The following SLC44A3 variants were observed in gnomAD, a reference collection of about 807,000 sequenced individuals.
SLC44A3 encodes the protein choline transporter-like protein 3.
In SLC44A3, 74 loss-of-function variants were observed where a neutral mutation model predicts 75.4. That is an observed-to-expected ratio of 0.98 (90% CI 0.81 to 1.19). The LOEUF (loss-of-function observed/expected upper bound fraction) is 1.19, where lower values mean the gene tolerates loss of function less well. SLC44A3 is among the 50% of genes most tolerant of loss of function. The pLI, the probability that SLC44A3 is intolerant of heterozygous loss-of-function variation, is 0.00. For missense variants in SLC44A3, 700 were observed against 778.6 expected (o/e 0.90, Z 1.20); for synonymous variants, 310 against 296.9 (o/e 1.04, Z -0.45).
intron 10 of SLC44A3, among the ~76,000 whole-genome samples, chr1:94,863,422 C>T (rs1474300438): frequency 1.3e-5 from 2 of 152,140 alleles, no homozygotes; most frequent in Non-Finnish European, 2.9e-5. Flanking sequence ...TCATGTGTTT[C>T]CCTACCAGAT....
chr1:94,885,435 T>C (rs1460866487), intron 12 of SLC44A3, among the ~76,000 whole-genome samples: 3 of 152,078 alleles, frequency 2.0e-5, no homozygotes, highest in African/African-American at 7.2e-5. Context: ...GTGACGTGAT[T>C]TGGTGGAAGC....
At chr1:94,842,696 G>A (rs922156814) in intron 8 of SLC44A3, among the ~76,000 whole-genome samples, 11 of 152,242 alleles carry the variant, frequency 7.2e-5, no homozygotes, top group African/African-American at 2.7e-4. Flanking sequence ...GGGGCCGTTA[G>A]GAAGGCTCAA....
At chr1:94,886,296 G>A (rs551916910) in intron 12 of SLC44A3, among the ~76,000 whole-genome samples, 31 of 152,280 alleles carry the variant, frequency 2.0e-4, no homozygotes, top group Admixed American at 2.0e-3. Flanking sequence ...CTTCCCCAGG[G>A]CAGCCTGGGA....
chr1:94,828,856 C>A (rs535950704), intron 5 of SLC44A3, among the ~76,000 whole-genome samples: 6 of 152,152 alleles, frequency 3.9e-5, no homozygotes, highest in African/African-American at 1.4e-4. Flanking sequence ...CTAGAGCTAG[C>A]AAGAAGTAAC....
intron 12 of SLC44A3, among the ~76,000 whole-genome samples, chr1:94,882,448 A>G (rs1669108294): frequency 6.6e-6 from 1 of 152,172 alleles, no homozygotes; most frequent in African/African-American, 2.4e-5. Context: ...CGTGTTTCCC[A>G]TGTCACAGGT....
chr1:94,853,882 A>G (rs6699403), intron 9 of SLC44A3, among the ~76,000 whole-genome samples: 19,625 of 145,810 alleles, frequency 0.13, 1,347 homozygotes, highest in Admixed American at 0.2. Context: ...TTTTTGCCTC[A>G]TTTATTGTTC....
At chr1:94,884,294 A>G (rs1295394757) in intron 12 of SLC44A3, among the ~76,000 whole-genome samples, 2 of 152,160 alleles carry the variant, frequency 1.3e-5, no homozygotes, top group African/African-American at 4.8e-5. Flanking sequence ...TGAACGGTGA[A>G]TGCAGGGCCC....
chr1:94,835,864 G>A (rs1662715251), intron 5 of SLC44A3, among the ~76,000 whole-genome samples: 1 of 152,200 alleles, frequency 6.6e-6, no homozygotes, highest in South Asian at 2.1e-4. Flanking sequence ...GTAGCTCAAG[G>A]ACAAGGAAAG....
At chr1:94,883,392 ACTCGG>A (rs1669212681) in intron 12 of SLC44A3, among the ~76,000 whole-genome samples, 1 of 152,126 alleles carries the variant, frequency 6.6e-6, no homozygotes, top group South Asian at 2.1e-4. Flanking sequence ...ATTTCCAGCT[ACTCGG>A]GAGGCTGAAG....
intron 9 of SLC44A3, among the ~76,000 whole-genome samples, chr1:94,850,419 G>A (rs1359305734): frequency 6.6e-6 from 1 of 152,204 alleles, no homozygotes; most frequent in Non-Finnish European, 1.5e-5. Context: ...AAGCTCCAGA[G>A]TCTGTACAAT....
At chr1:94,867,146 T>G (rs1050638446) in intron 11 of SLC44A3, among the ~76,000 whole-genome samples, 185 bp from the exon 12 acceptor site, 1 of 152,030 alleles carries the variant, frequency 6.6e-6, no homozygotes, top group African/African-American at 2.4e-5. Flanking sequence ...AAGACAGAAA[T>G]GTTGCTCCTC....
chr1:94,824,513 G>C lies in SLC44A3; in HGVS notation c.156G>C (p.Ser52=). 1 of 1,607,130 alleles carries C rather than the reference G, an allele frequency of 6.2e-7. No individual in the cohort carries two copies. The highest frequency in any genetic ancestry group is 8.5e-7 in the Non-Finnish European group (1 of 1,178,092). Residue 52 remains serine (S), a synonymous_variant, in exon 3 of 15, where the codon TCG becomes TCC. Coordinates refer to ENST00000271227, the MANE Select transcript of SLC44A3 (RefSeq NM_001114106.3). The part of the protein sequence containing the change: ...WTGLVFIMGY[S]VVAGAAGRLL... ...GCCAGGTGTTTATCATGGGCTACTCGGTGGTGGCTGGAGCCGCGGGAAGAC... is the reference window on the plus strand; with the variant it reads ...GCCAGGTGTTTATCATGGGCTACTCCGTGGTGGCTGGAGCCGCGGGAAGAC...
intron 5 of SLC44A3, among the ~76,000 whole-genome samples, chr1:94,830,133 C>G (rs1396854796): frequency 6.6e-6 from 1 of 152,176 alleles, no homozygotes; most frequent in Non-Finnish European, 1.5e-5. Context: ...ATATTCTTTT[C>G]TAAAATAAAT....
At chr1:94,880,963 G>A (rs189393327) in intron 12 of SLC44A3, among the ~76,000 whole-genome samples, 174 of 150,980 alleles carry the variant, frequency 1.2e-3, no homozygotes, top group African/African-American at 4.1e-3. Context: ...CAGCTACTCC[G>A]TGGGCCAAGG....
chr1:94,860,036 T>C (rs1397268971), intron 10 of SLC44A3, among the ~76,000 whole-genome samples: 5 of 152,198 alleles, frequency 3.3e-5, no homozygotes, highest in African/African-American at 1.2e-4. Flanking sequence ...CACTCTTCAA[T>C]TTGAACTGTT....
At chr1:94,883,525 A>T (rs567398911) in intron 12 of SLC44A3, among the ~76,000 whole-genome samples, 1 of 152,174 alleles carries the variant, frequency 6.6e-6, no homozygotes, top group African/African-American at 2.4e-5. Flanking sequence ...AAACAAACAA[A>T]GACAACTTAG....
At chr1:94,876,848 G>A (rs760336862) in intron 12 of SLC44A3, among the ~76,000 whole-genome samples, 3 of 152,272 alleles carry the variant, frequency 2.0e-5, no homozygotes, top group East Asian at 1.9e-4. Flanking sequence ...ATCCCTCCTC[G>A]GAGTTATATG....
At chr1:94,820,540 C>G in intron 1 of SLC44A3, 62 bp downstream of exon 1, 2 of 1,457,318 alleles carry the variant, frequency 1.4e-6, no homozygotes, top group Non-Finnish European at 1.8e-6. Context: ...AGTCCCCCGC[C>G]TTCACGCACC....
intron 12 of SLC44A3, among the ~76,000 whole-genome samples, chr1:94,873,047 G>A (rs1420998971): frequency 1.3e-5 from 2 of 152,226 alleles, no homozygotes; most frequent in South Asian, 2.1e-4. Context: ...GATCCTGCCA[G>A]TAGTTCTGCT....
Sources: gnomAD v4.1 joint callset for allele counts (sites outside exome capture counted in the v4.1 genomes callset) on GRCh38, gnomAD v4.1.1 for gene constraint, MANE v1.5 for transcripts, NCBI Gene and HGNC (gene_info 2026-07-23, HGNC 2026-07-21) for gene names.